SPINK5: variants seen among roughly 807,000 people sequenced by gnomAD.
SPINK5 encodes the protein serine protease inhibitor Kazal-type 5.
SPINK5 carries 125 observed loss-of-function variants against 151.8 expected under a neutral mutation model. The observed-to-expected ratio is 0.82, with a 90% CI of 0.71 to 0.96. SPINK5 has a LOEUF of 0.96. SPINK5 is among the 40% of genes least tolerant of loss of function. SPINK5 has a pLI of 0.00. For missense variants in SPINK5, 1,194 were observed against 1,291.9 expected (o/e 0.92, Z 1.16); for synonymous variants, 374 against 395.3 (o/e 0.95, Z 0.64).
Position 148,095,899 on chromosome 5 carries a change from A to G in SPINK5, c.876A>G (p.Glu292=). Residue 292 remains glutamate, a synonymous_variant, in exon 10 of 33, where the codon GAA becomes GAG. Coordinates refer to ENST00000256084, the MANE Select transcript of SPINK5 (RefSeq NM_006846.4). The part of the protein sequence containing the change: ...KAEEKTKVKR[E]IVKLCSQYQN... ...AAGAAAAAACTAAAGTTAAAAGAGA[A>G]ATTGTGGTGAGAATCAGTTTGATCA... 1 of 1,611,004 alleles carries G rather than the reference A, an allele frequency of 6.2e-7. No homozygotes were observed. The highest frequency in any genetic ancestry group is 8.5e-7 in the Non-Finnish European group (1 of 1,177,904).
intron 18 of SPINK5, among the ~76,000 whole-genome samples, chr5:148,111,519 C>G (rs185330089): frequency 6.6e-6 from 1 of 152,180 alleles, no homozygotes; most frequent in East Asian, 1.9e-4. Context: ...TTTTTCTTCT[C>G]TGTATCTTTC....
chr5:148,079,941 G>T, intron 4 of SPINK5, among the ~76,000 whole-genome samples: 1 of 150,872 alleles, frequency 6.6e-6, no homozygotes, highest in Middle Eastern at 3.2e-3. Context: ...ATTAATTAAA[G>T]ACACTTTTTA....
intron 15 of SPINK5, 149 bp from the exon 16 acceptor site, chr5:148,104,803 G>A (rs1753737110): frequency 9.8e-6 from 6 of 609,532 alleles, no homozygotes; most frequent in Non-Finnish European, 1.7e-5. Flanking sequence ...GGCTGAGGCA[G>A]GAGAATTGCT....
chr5:148,111,400 T>C (rs1159987268), intron 18 of SPINK5, among the ~76,000 whole-genome samples: 3 of 152,198 alleles, frequency 2.0e-5, no homozygotes, highest in East Asian at 1.9e-4. Context: ...CTTTTTGCCA[T>C]GTAAGGCAGC....
At chr5:148,122,742 TTAA>T (rs1378306825) in intron 26 of SPINK5, among the ~76,000 whole-genome samples, 2 of 152,180 alleles carry the variant, frequency 1.3e-5, no homozygotes, top group Non-Finnish European at 1.5e-5. Context: ...CTGACTTTAT[TTAA>T]TAGCTCTGAG....
At chr5:148,119,905 G>A in intron 24 of SPINK5, 104 bp from the exon 25 acceptor site, 1 of 1,361,368 alleles carries the variant, frequency 7.3e-7, no homozygotes, top group Non-Finnish European at 1.0e-6. Context: ...TCACAGCAAG[G>A]TTACATGGCT....
intron 22 of SPINK5, among the ~76,000 whole-genome samples, chr5:148,117,413 C>T (rs1228325046): frequency 1.3e-5 from 2 of 152,172 alleles, no homozygotes; most frequent in East Asian, 3.9e-4. Context: ...GAGACCTGCA[C>T]ATTTTTTTCT....
intron 4 of SPINK5, among the ~76,000 whole-genome samples, chr5:148,074,462 T>A (rs989349746): frequency 4.6e-5 from 7 of 151,814 alleles, no homozygotes; most frequent in Non-Finnish European, 8.8e-5. Flanking sequence ...TTATCATGAT[T>A]TAGGTTGCCA....
chr5:148,119,040 T>C lies in SPINK5; in HGVS notation c.2295T>C (p.Thr765=). ...ATTCTCGCTCCAGATCAAATGGGAC[T>C]GGATCAGAATCAGGGAAGGTGAGTT... is the stretch of plus-strand genomic sequence containing the variant. ...NEYSRSRSNG[T]GSESGKDTCD... is the part of the protein sequence containing the mutation. The change falls in exon 24 of 33, where the codon ACT becomes ACC. Residue 765 remains threonine (T), a synonymous_variant. Coordinates refer to ENST00000256084, the MANE Select transcript of SPINK5 (RefSeq NM_006846.4). 6.2e-7 allele frequency: 1 copy of C among 1,614,064 alleles called. No individual in the cohort carries two copies. The highest frequency in any genetic ancestry group is 8.5e-7 in the Non-Finnish European group (1 of 1,179,942).
At chr5:148,112,412 T>C (rs1008310494) in intron 19 of SPINK5, among the ~76,000 whole-genome samples, 3 of 152,154 alleles carry the variant, frequency 2.0e-5, no homozygotes, top group Non-Finnish European at 4.4e-5. Context: ...TGGTGGCTCA[T>C]GCCTGTAATT....
chr5:148,116,959 T>C (rs1304347216), intron 22 of SPINK5, among the ~76,000 whole-genome samples: 2 of 152,308 alleles, frequency 1.3e-5, no homozygotes, highest in Admixed American at 1.3e-4. Flanking sequence ...AATTCTACTT[T>C]CCCTGATTTA....
chr5:148,123,984 A>C (rs765238954), intron 27 of SPINK5, 24 bp downstream of exon 27: 19 of 1,613,040 alleles, frequency 1.2e-5, no homozygotes, highest in Non-Finnish European at 1.7e-6. Context: ...TTTATCAATA[A>C]ATTTGATAGT....
At chr5:148,087,507 AT>A (rs1238214790) in intron 5 of SPINK5, among the ~76,000 whole-genome samples, 1 of 151,822 alleles carries the variant, frequency 6.6e-6, no homozygotes, top group Non-Finnish European at 1.5e-5. Flanking sequence ...GCAGGATGGT[AT>A]TTTCAGAAAT....
At position 148,124,297 on chromosome 5, in the gene SPINK5, T is replaced by C. The variant is rs866769350; in HGVS notation, c.2666+337T>C. Among the ~76,000 whole-genome samples the C allele has an allele frequency of 2.6e-5, 4 of 152,292 alleles. No individual in the cohort carries two copies. The South Asian group carries it at 8.3e-4, about 32-fold the overall frequency. On this transcript the variant is annotated intron_variant, in intron 27 of 32. Coordinates refer to ENST00000256084, the MANE Select transcript of SPINK5 (RefSeq NM_006846.4). ...TGGAGATTCAAGGACATTTTAAAAA[T>C]GTTTATGAACTTCAAAGCATTATAC...
rs772114803 is a variant in SPINK5, at chr5:148,125,706, C to A, written c.2740-17C>A. Reference sequence around the variant, plus strand: ...AAGGGACAAAGCCATGTTCACTTTCCCTTTCTCATTTTCTAGGATGAGTGC... The same window carrying A: ...AAGGGACAAAGCCATGTTCACTTTCACTTTCTCATTTTCTAGGATGAGTGC... On this transcript the variant is annotated splice_polypyrimidine_tract_variant and intron_variant, in intron 28 of 32. Coordinates refer to ENST00000256084, the MANE Select transcript of SPINK5 (RefSeq NM_006846.4). 1 of 1,614,140 alleles carries A rather than the reference C, an allele frequency of 6.2e-7. No individual in the cohort carries two copies. The highest frequency in any genetic ancestry group is 8.5e-7 in the Non-Finnish European group (1 of 1,180,000).
rs1399083557 is a variant in SPINK5, at chr5:148,095,939, TG to T, written c.882+35del. 2.2e-5 allele frequency: 33 copies of T among 1,485,310 alleles called. No individual in the cohort carries two copies. In the Admixed American group the frequency reaches 4.3e-4, roughly 19 times the overall value. The allele number at this position is 1,485,310 out of a possible 1,614,324, so 92.0% of individuals were successfully genotyped here. A position where few individuals can be genotyped will look rare whatever the true frequency, so the allele number is the denominator to read the frequency against. ...CAGTTTGATCAATCTAGTTACAACT[TG>T]TGTGTGTGTGGGGGGGTGCGTGTGT... On this transcript the variant is annotated intron_variant, in intron 10 of 32. Transcript: ENST00000256084.
intron 22 of SPINK5, among the ~76,000 whole-genome samples, chr5:148,117,111 T>C (rs1003321782): frequency 9.2e-5 from 14 of 152,230 alleles, no homozygotes; most frequent in African/African-American, 3.4e-4. Flanking sequence ...AAAATTGCAG[T>C]CGCCTTATTT....
In SPINK5 at chr5:148,078,581, AT is replaced by A. The variant is rs894356477; in HGVS notation, c.282+6370del. Among the ~76,000 whole-genome samples the A allele has an allele frequency of 4.2e-4, 63 of 149,726 alleles. No individual in the cohort carries two copies. In the East Asian group the frequency reaches 5.9e-3, roughly 14 times the overall value. On this transcript the variant is annotated intron_variant, in intron 4 of 32. Coordinates refer to ENST00000256084, the MANE Select transcript of SPINK5 (RefSeq NM_006846.4). ...TTAATATATTAAAATCATATATAGTATTTTTTTTTAACCACAACAGAGTTGA... is the reference window on the plus strand; with the variant it reads ...TTAATATATTAAAATCATATATAGTATTTTTTTTAACCACAACAGAGTTGA...
At chr5:148,097,475 T>C (rs1297235058) in intron 10 of SPINK5, among the ~76,000 whole-genome samples, 1 of 152,018 alleles carries the variant, frequency 6.6e-6, no homozygotes, top group Non-Finnish European at 1.5e-5. Context: ...TTCCACATTA[T>C]GTTCCTGAAT....
Sources: allele counts gnomAD v4.1 joint callset (sites outside exome capture counted in the v4.1 genomes callset), GRCh38; gene constraint gnomAD v4.1.1; transcripts MANE v1.5; gene names NCBI Gene and HGNC (gene_info 2026-07-23, HGNC 2026-07-21).